FPR3: variants seen among roughly 807,000 people sequenced by gnomAD.
FPR3 encodes the protein formyl peptide receptor 3, also known as N-formyl peptide receptor 3.
For synonymous variants in FPR3, 135 were observed against 163.6 expected, an observed-to-expected ratio of 0.83 and a Z score of 1.34; for missense variants, 346 against 443.2, an observed-to-expected ratio of 0.78 and a Z score of 1.97.
chr19:51,803,596 CAA>C (rs35535525), intron 1 of FPR3, among the ~76,000 whole-genome samples: 31,209 of 131,970 alleles, frequency 0.24, 3,346 homozygotes, highest in Middle Eastern at 0.35. Flanking sequence ...TTTCAATTTC[CAA>C]AAAAAAAAAA....
Position 51,816,111 on chromosome 19 carries a change from T to G in FPR3, c.-10-7628T>G, listed in dbSNP as rs573584553. On this transcript the variant is annotated intron_variant, in intron 1 of 1. Coordinates refer to ENST00000339223, the MANE Select transcript of FPR3 (RefSeq NM_002030.5). ...GAGAAATGAGATTAGATGAGCTTCT[T>G]GAGTTGGTGAACACAAAGAGGTGCC... Among the ~76,000 whole-genome samples, 51 of 151,334 alleles carry G rather than the reference T, an allele frequency of 3.4e-4. No homozygotes were observed. In the South Asian group the frequency reaches 0.011, roughly 32 times the overall value.
At chr19:51,808,843 A>G (rs1221374370) in intron 1 of FPR3, among the ~76,000 whole-genome samples, 1 of 152,172 alleles carries the variant, frequency 6.6e-6, no homozygotes, top group Non-Finnish European at 1.5e-5. Context: ...TTCCAAGCTT[A>G]TGTGTCCGGC....
At chr19:51,813,600 G>A (rs2084113383) in intron 1 of FPR3, among the ~76,000 whole-genome samples, 4 of 151,714 alleles carry the variant, frequency 2.6e-5, no homozygotes, top group African/African-American at 9.7e-5. Context: ...GCGTGATCTC[G>A]GCTCACTGCA....
intron 1 of FPR3, among the ~76,000 whole-genome samples, chr19:51,822,948 T>C (rs527342250): frequency 1.3e-5 from 2 of 152,112 alleles, no homozygotes; most frequent in Non-Finnish European, 2.9e-5. Flanking sequence ...CTGCAACCTC[T>C]GCCTCCCAGG....
At chr19:51,805,898 G>A (rs61556628) in intron 1 of FPR3, among the ~76,000 whole-genome samples, 4,707 of 152,108 alleles carry the variant, frequency 0.031, 263 homozygotes, top group African/African-American at 0.11. Context: ...CCCAAGCCTC[G>A]GACAGATTAA....
intron 1 of FPR3, among the ~76,000 whole-genome samples, chr19:51,795,748 C>T (rs2083994733): frequency 6.6e-6 from 1 of 151,866 alleles, no homozygotes; most frequent in Admixed American, 6.6e-5. Context: ...CTCCTGACCT[C>T]GTGATCTGCC....
chr19:51,799,350 G>T (rs2122410711), intron 1 of FPR3, among the ~76,000 whole-genome samples: 1 of 152,318 alleles, frequency 6.6e-6, no homozygotes, highest in East Asian at 1.9e-4. Flanking sequence ...GACCTGGGCA[G>T]TTGGATCCCC....
chr19:51,813,391 G>C (rs2084111837), intron 1 of FPR3, among the ~76,000 whole-genome samples: 1 of 151,972 alleles, frequency 6.6e-6, no homozygotes. Flanking sequence ...CATCACCTTG[G>C]TATGAGCAAC....
In FPR3 at chr19:51,800,849, T is replaced by C. The variant is rs564066549; in HGVS notation, c.-11+5518T>C. Among the ~76,000 whole-genome samples the C allele has an allele frequency of 6.6e-5, 10 of 152,158 alleles. No homozygotes were observed. In the South Asian group the frequency reaches 1.9e-3, roughly 28 times the overall value. Reference sequence around the variant, plus strand: ...CCAGTAAACATCCAGAGAGTGAGGTTAGGAAATAAAAAGTATATAAATATT... The same window carrying C: ...CCAGTAAACATCCAGAGAGTGAGGTCAGGAAATAAAAAGTATATAAATATT... On this transcript the variant is annotated intron_variant, in intron 1 of 1. Coordinates refer to ENST00000339223, the MANE Select transcript of FPR3 (RefSeq NM_002030.5).
chr19:51,816,277 C>T (rs1222539706), intron 1 of FPR3, among the ~76,000 whole-genome samples: 1 of 152,172 alleles, frequency 6.6e-6, no homozygotes, highest in East Asian at 1.9e-4. Flanking sequence ...GACAGAATCT[C>T]ACTCTATTGC....
chr19:51,800,131 C>T (rs1349885315), intron 1 of FPR3, among the ~76,000 whole-genome samples: 1 of 152,242 alleles, frequency 6.6e-6, no homozygotes, highest in Non-Finnish European at 1.5e-5. Flanking sequence ...ACCTGTGACA[C>T]GGCAACTGCA....
chr19:51,823,294 G>T (rs1380162002), intron 1 of FPR3, among the ~76,000 whole-genome samples: 3 of 152,176 alleles, frequency 2.0e-5, no homozygotes, highest in Non-Finnish European at 4.4e-5. Context: ...ACAGTGGGAG[G>T]GACAGGAGCT....
Position 51,815,865 on chromosome 19 carries a change from A to AAAAAAAAG in FPR3, c.-10-7868_-10-7867insAGAAAAAA, listed in dbSNP as rs1445554883. Among the ~76,000 whole-genome samples the AAAAAAAAG allele has an allele frequency of 6.7e-3, 1,013 of 150,798 alleles. 3 individuals carry two copies. Among genetic ancestry groups the AAAAAAAAG allele is most frequent in the Non-Finnish European group, 9.7e-3 (661 of 67,824 alleles). Reference sequence around the variant, plus strand: ...TGATAGAATGAGACCCTGTCTCAAAAAAAAAAGAAAAAAGAAAAAAGAAAA... The same window carrying AAAAAAAAG: ...TGATAGAATGAGACCCTGTCTCAAAAAAAAAAAGAAAAAAGAAAAAAGAAAAAAGAAAA... On this transcript the variant is annotated intron_variant, in intron 1 of 1. Coordinates refer to ENST00000339223, the MANE Select transcript of FPR3 (RefSeq NM_002030.5).
chr19:51,814,114 C>T (rs530152954), intron 1 of FPR3, among the ~76,000 whole-genome samples: 1 of 152,246 alleles, frequency 6.6e-6, no homozygotes, highest in South Asian at 2.1e-4. Context: ...CATATGTTTA[C>T]TATACTTTAT....
At chr19:51,820,286 T>C (rs934357359) in intron 1 of FPR3, among the ~76,000 whole-genome samples, 1 of 152,234 alleles carries the variant, frequency 6.6e-6, no homozygotes, top group Non-Finnish European at 1.5e-5. Context: ...GTTGTACCTC[T>C]CAATAATTGT....
rs531523324 is a variant in FPR3, at chr19:51,813,988, G to A, written c.-10-9751G>A. Among the ~76,000 whole-genome samples the A allele has an allele frequency of 1.1e-4, 16 of 152,306 alleles. 2 individuals carry two copies. The South Asian group carries it at 3.3e-3, about 32-fold the overall frequency. On this transcript the variant is annotated intron_variant, in intron 1 of 1. Transcript: ENST00000339223. The stretch of plus-strand genomic sequence containing the variant: ...ACTTTCAAGAAGCCCCTGGAAGAAA[G>A]CCAATAGGATGGTGAAGCAAAGGGC...
In FPR3 at chr19:51,824,817, G is replaced by A. The variant is rs1965036837; in HGVS notation, c.*7G>A. Reference sequence around the variant, plus strand: ...GGAGTTACAAGCAATGTGAGGTCGGGGATATTTTTGGGCTCTGTCTCTTTC... The same window carrying A: ...GGAGTTACAAGCAATGTGAGGTCGGAGATATTTTTGGGCTCTGTCTCTTTC... On this transcript the variant is annotated 3_prime_UTR_variant, in exon 2 of 2. Transcript: ENST00000339223. The surrounding 1 kb of genome is among the most constrained non-coding windows in gnomAD (Gnocchi z 4.7). 1.3e-6 allele frequency: 2 copies of A among 1,595,224 alleles called. No homozygotes were observed. Among genetic ancestry groups the A allele is most frequent in the Non-Finnish European group, 1.7e-6 (2 of 1,169,606 alleles).
At chr19:51,795,569 A>G (rs1016125360) in intron 1 of FPR3, among the ~76,000 whole-genome samples, 3 of 116,782 alleles carry the variant, frequency 2.6e-5, no homozygotes, top group African/African-American at 1.0e-4. Flanking sequence ...GCTGGAGTGC[A>G]GTGGCACAAT....
At chr19:51,808,256 T>C (rs1189489082) in intron 1 of FPR3, among the ~76,000 whole-genome samples, 2 of 152,258 alleles carry the variant, frequency 1.3e-5, no homozygotes, top group Non-Finnish European at 2.9e-5. Context: ...TTAAAGTCTA[T>C]AACCTGTCTT....
Sources: allele counts gnomAD v4.1 joint callset (sites outside exome capture counted in the v4.1 genomes callset), GRCh38; gene constraint gnomAD v4.1.1; non-coding constraint Gnocchi (gnomAD v3.1); transcripts MANE v1.5; gene names NCBI Gene and HGNC (gene_info 2026-07-23, HGNC 2026-07-21).